CD300A: variants seen among roughly 807,000 people sequenced by gnomAD.
CD300A encodes CD300a molecule.
A neutral mutation model predicts 33.6 loss-of-function variants in CD300A; 22 were observed. The observed-to-expected ratio is 0.66, with a 90% confidence interval of 0.47 to 0.94. The LOEUF (loss-of-function observed/expected upper bound fraction) is 0.94, where lower values mean the gene tolerates loss of function less well. Ranked by LOEUF, CD300A falls within the 40% of genes least tolerant of loss-of-function variation. The pLI is 0.00. For missense variants in CD300A, 326 were observed against 360.5 expected (o/e 0.90, Z 0.77); for synonymous variants, 136 against 148.1 (o/e 0.92, Z 0.59).
At chr17:74,469,230 A>T (rs1178357670) in intron 1 of CD300A, among the ~76,000 whole-genome samples, 3 of 151,902 alleles carry the variant, frequency 2.0e-5, no homozygotes, top group Non-Finnish European at 2.9e-5. Flanking sequence ...GGTCTACATT[A>T]AAAAAAATCT....
chr17:74,474,336 G>C (rs1235356019), intron 2 of CD300A, among the ~76,000 whole-genome samples, 196 bp from the exon 3 acceptor site: 2 of 152,142 alleles, frequency 1.3e-5, no homozygotes, highest in African/African-American at 4.8e-5. Context: ...CAGGACCACT[G>C]GGAGTGGCAC....
chr17:74,482,436 C>T (rs1906922443), intron 6 of CD300A, among the ~76,000 whole-genome samples: 2 of 149,700 alleles, frequency 1.3e-5, no homozygotes, highest in Middle Eastern at 3.5e-3. Flanking sequence ...AGGGCTGGCA[C>T]CAGGGTGACA....
At chr17:74,477,614 C>A in intron 4 of CD300A, 84 bp downstream of exon 4, 1 of 845,816 alleles carries the variant, frequency 1.2e-6, no homozygotes, top group Non-Finnish European at 2.0e-6. Flanking sequence ...GCTATGTCCA[C>A]GTCCCACAGT....
At chr17:74,470,727 C>T (rs1165157734) in intron 1 of CD300A, among the ~76,000 whole-genome samples, 2 of 152,068 alleles carry the variant, frequency 1.3e-5, no homozygotes, top group East Asian at 3.9e-4. Flanking sequence ...CAGCTCACTG[C>T]AACCTCCACC....
Position 74,480,410 on chromosome 17 carries a change from G to C in CD300A, c.629-879G>C, listed in dbSNP as rs1337943173. 6.6e-6 allele frequency among the ~76,000 whole-genome samples: 1 copy of C among 152,176 alleles called. No individual in the cohort carries two copies. The highest frequency in any genetic ancestry group is 1.5e-5 in the Non-Finnish European group (1 of 68,022). On this transcript the variant is annotated intron_variant, in intron 4 of 6. Transcript: ENST00000360141. The surrounding 1 kb of genome is among the most constrained non-coding windows in gnomAD (Gnocchi z 4.2). ...CGGGCTCCTGGGGTGAAAGGGTTAG[G>C]GTGTACAGGGCTGTGCTCATAGGCA...
chr17:74,479,677 C>T (rs1906705703), intron 4 of CD300A, among the ~76,000 whole-genome samples: 2 of 152,182 alleles, frequency 1.3e-5, no homozygotes, highest in Non-Finnish European at 2.9e-5. Flanking sequence ...CTTAAGCTTC[C>T]TGTAACCCAT....
chr17:74,483,531 A>G (rs919359788), intron 6 of CD300A, among the ~76,000 whole-genome samples: 2 of 151,634 alleles, frequency 1.3e-5, no homozygotes, highest in Non-Finnish European at 2.9e-5. Flanking sequence ...TAGTTTTTGT[A>G]TTTTTAGTAG....
At position 74,484,772 on chromosome 17, in the gene CD300A, G is replaced by A. The variant is rs1397149871; in HGVS notation, c.*646G>A. On this transcript the variant is annotated 3_prime_UTR_variant, in exon 7 of 7. Transcript: ENST00000360141. ...CAGTTTCAAATATCTTATTGAGGGA[G>A]AAGTAAAAACTTATTTAAACAATGC... 6.6e-6 allele frequency: 1 copy of A among 152,198 alleles called. No individual in the cohort carries two copies. Among genetic ancestry groups the A allele is most frequent in the Non-Finnish European group, 1.5e-5 (1 of 68,058 alleles). 9.4% of individuals were successfully genotyped at this position (152,198 alleles called of 1,614,324 possible). A position where few individuals can be genotyped will look rare whatever the true frequency, so the allele number is the denominator to read the frequency against.
chr17:74,474,254 A>G (rs1381668121), intron 2 of CD300A, among the ~76,000 whole-genome samples: 2 of 152,124 alleles, frequency 1.3e-5, no homozygotes, highest in African/African-American at 4.8e-5. Context: ...TCAGATTTGC[A>G]GTGTAGACAG....
chr17:74,481,617 G>C, intron 5 of CD300A, 109 bp from the exon 6 acceptor site: 1 of 782,618 alleles, frequency 1.3e-6, no homozygotes, highest in Non-Finnish European at 2.1e-6. Flanking sequence ...AGGGGAAGGT[G>C]GGGGCTGAGG....
intron 3 of CD300A, among the ~76,000 whole-genome samples, chr17:74,477,127 G>A (rs1162001198): frequency 6.6e-6 from 1 of 152,152 alleles, no homozygotes; most frequent in Non-Finnish European, 1.5e-5. Flanking sequence ...AGCATTTTGG[G>A]AGGCTGAGGC....
intron 2 of CD300A, 99 bp downstream of exon 2, chr17:74,473,973 TGTGC>T: frequency 7.3e-7 from 1 of 1,363,430 alleles, no homozygotes; most frequent in Non-Finnish European, 1.0e-6. Flanking sequence ...TGTGTGTGTG[TGTGC>T]GTAAGAGAGA....
chr17:74,479,553 T>C lies in CD300A; in HGVS notation c.629-1736T>C, dbSNP rs138882734. On this transcript the variant is annotated intron_variant, in intron 4 of 6. Transcript: ENST00000360141. The stretch of plus-strand genomic sequence containing the variant: ...CATGCATCTGCGATGTCTTAACAAA[T>C]TGGCCTCATACCACTCATTCTCTTT... Among the ~76,000 whole-genome samples, 7 of 152,248 alleles carry C rather than the reference T, an allele frequency of 4.6e-5. No individual in the cohort carries two copies. The East Asian group carries it at 1.2e-3, about 25-fold the overall frequency.
rs1381988434 is a variant in CD300A at position 74,480,787 on chromosome 17, GC to G, written c.629-499del. On this transcript the variant is annotated intron_variant, in intron 4 of 6. Transcript: ENST00000360141. The surrounding 1 kb of genome is among the most constrained non-coding windows in gnomAD (Gnocchi z 4.2). ...TTTTGAGACAGAGTCTTGCTCTGTTGCCCAGGCTGGAGTGCAGTGGCATGAT... is the reference window on the plus strand; with the variant it reads ...TTTTGAGACAGAGTCTTGCTCTGTTGCCAGGCTGGAGTGCAGTGGCATGAT... 3.3e-5 allele frequency among the ~76,000 whole-genome samples: 5 copies of G among 151,918 alleles called. No individual in the cohort carries two copies. The South Asian group carries it at 1.0e-3, about 32-fold the overall frequency.
intron 6 of CD300A, among the ~76,000 whole-genome samples, chr17:74,483,227 C>A (rs1419715855): frequency 6.6e-6 from 1 of 152,330 alleles, no homozygotes; most frequent in Middle Eastern, 3.4e-3. Context: ...GCAAGTTAAT[C>A]AGAGCTGCAG....
intron 1 of CD300A, among the ~76,000 whole-genome samples, chr17:74,472,546 G>C (rs1216310718): frequency 2.0e-5 from 3 of 151,946 alleles, no homozygotes; most frequent in Admixed American, 6.6e-5. Context: ...GTCTAGGAGA[G>C]CTGGGCAAAC....
At position 74,482,371 on chromosome 17, in the gene CD300A, G is replaced by C. The variant is rs1906916267; in HGVS notation, c.774+538G>C. ...AAGCATCAGCAGGGAAGCTTAAAGT[G>C]CCCCCAGGCCTGGGAGCTGAAGAGG... On this transcript the variant is annotated intron_variant, in intron 6 of 6. Coordinates refer to ENST00000360141, the MANE Select transcript of CD300A (RefSeq NM_007261.4). Among the ~76,000 whole-genome samples the C allele has an allele frequency of 2.4e-5, 3 of 125,432 alleles. No individual in the cohort carries two copies. The South Asian group carries it at 8.4e-4, about 35-fold the overall frequency. 82.3% of individuals were successfully genotyped at this position (125,432 alleles called of 152,430 possible).
intron 1 of CD300A, among the ~76,000 whole-genome samples, chr17:74,469,315 G>A (rs546885824): frequency 8.0e-4 from 121 of 151,620 alleles, no homozygotes; most frequent in South Asian, 4.4e-3. Context: ...TTAAGCCCAG[G>A]AGTCCGAGAC....
intron 3 of CD300A, 106 bp downstream of exon 3, chr17:74,474,791 C>T (rs2140252): frequency 8.0e-7 from 1 of 1,254,246 alleles, no homozygotes. Flanking sequence ...GCATCGCTCC[C>T]TTTGCCCCAG....
Sources: allele counts gnomAD v4.1 joint callset (sites outside exome capture counted in the v4.1 genomes callset), GRCh38; gene constraint gnomAD v4.1.1; non-coding constraint Gnocchi (gnomAD v3.1); transcripts MANE v1.5; gene names NCBI Gene and HGNC (gene_info 2026-07-23, HGNC 2026-07-21).